Variants in HMCN1 observed in about 807,000 individuals in gnomAD.
HMCN1 encodes hemicentin 1, also known as hemicentin-1.
In HMCN1, 321 loss-of-function variants were observed where a neutral mutation model predicts 625.9. That is an observed-to-expected ratio of 0.51 (90% CI 0.47 to 0.56). HMCN1 has a LOEUF of 0.56. Among genes scored for constraint, HMCN1 ranks in the 20% least tolerant of loss-of-function variants. The pLI is 0.00. For synonymous variants in HMCN1, 2,425 were observed against 2,417.6 expected (o/e 1.00, Z -0.09); for missense variants, 6,588 against 6,887.3 (o/e 0.96, Z 1.54).
intron 1 of HMCN1, among the ~76,000 whole-genome samples, chr1:185,756,064 A>T (rs1048704762): frequency 1.3e-5 from 2 of 152,150 alleles, no homozygotes; most frequent in Admixed American, 6.5e-5. Context: ...AGAATATCAG[A>T]TCCACAGGAT....
intron 13 of HMCN1, among the ~76,000 whole-genome samples, chr1:185,964,963 C>T (rs978355589): frequency 4.6e-5 from 7 of 151,966 alleles, no homozygotes; most frequent in African/African-American, 1.7e-4. Flanking sequence ...AAAAGCTATG[C>T]ACCCATTTAT....
In HMCN1 at chr1:186,082,869, T is replaced by C. The variant is rs748871588; in HGVS notation, c.8792T>C (p.Leu2931Pro). ...ATTTCTTCATTTTTCCCTTAGATTC[T>C]GAATACTCAAATAACAGATATCGGC... ...FLSNGRILQI[L>P]NTQITDIGRY... The change falls in exon 57 of 107, where the codon CTG becomes CCG. Residue 2931 changes from leucine (L) to proline (P), a missense_variant. This residue lies in a region of HMCN1 where 4,628 missense variants were observed against 4,853.1 expected (regional missense o/e 0.95). Coordinates refer to ENST00000271588, the MANE Select transcript of HMCN1 (RefSeq NM_031935.3). 2 of 1,570,914 alleles carry C rather than the reference T, an allele frequency of 1.3e-6. No individual in the cohort carries two copies. The highest frequency in any genetic ancestry group is 1.7e-4 in the Middle Eastern group (1 of 5,906).
At chr1:185,743,301 A>G (rs1425726344) in intron 1 of HMCN1, among the ~76,000 whole-genome samples, 4 of 152,250 alleles carry the variant, frequency 2.6e-5, no homozygotes, top group Non-Finnish European at 1.5e-5. Flanking sequence ...ACTCACAAGT[A>G]GAAGAATACA....
intron 1 of HMCN1, among the ~76,000 whole-genome samples, chr1:185,770,178 C>G (rs1437806842): frequency 6.6e-6 from 1 of 152,156 alleles, no homozygotes; most frequent in African/African-American, 2.4e-5. Context: ...AACATCACCA[C>G]TCTCTATAGA....
At position 186,182,717 on chromosome 1, in the gene HMCN1, A is replaced by G. The variant is rs74136063; in HGVS notation, c.16414+430A>G. The stretch of plus-strand genomic sequence containing the variant: ...TTTAAAGTGATCAGTTTGGTAGTCA[A>G]TTAAATGATTCATTCATTCGTTGAG... On this transcript the variant is annotated intron_variant, in intron 105 of 106. Transcript: ENST00000271588. Among the ~76,000 whole-genome samples the G allele has an allele frequency of 2.3e-3, 356 of 152,314 alleles. 3 individuals are homozygous for G. Among genetic ancestry groups the G allele is most frequent in the African/African-American group, 8.2e-3 (340 of 41,568 alleles).
At chr1:185,834,123 G>A (rs1661031845) in intron 1 of HMCN1, among the ~76,000 whole-genome samples, 1 of 152,174 alleles carries the variant, frequency 6.6e-6, no homozygotes, top group Non-Finnish European at 1.5e-5. Flanking sequence ...GATTCAAAAT[G>A]TCACAGTTGC....
intron 1 of HMCN1, among the ~76,000 whole-genome samples, chr1:185,803,205 C>CAAAAAAAAAAAAAAAAAAAAAAAAAGA: frequency 1.4e-4 from 8 of 58,754 alleles, no homozygotes; most frequent in Admixed American, 2.6e-4. Context: ...AAAAAAAAAG[C>CAAAAAAAAAAAAAAAAAAAAAAAAAGA]AAAAAAAAAA....
intron 1 of HMCN1, among the ~76,000 whole-genome samples, chr1:185,743,410 A>G (rs1356832333): frequency 6.6e-6 from 1 of 152,228 alleles, no homozygotes; most frequent in Non-Finnish European, 1.5e-5. Flanking sequence ...TGACCCAGAT[A>G]ATGCCTGACT....
chr1:185,845,756 T>C (rs112199089), intron 1 of HMCN1, among the ~76,000 whole-genome samples: 1 of 152,254 alleles, frequency 6.6e-6, no homozygotes, highest in Non-Finnish European at 1.5e-5. Context: ...GAACTGGAAC[T>C]GTGCTCTCCT....
At chr1:185,752,470 C>T (rs188114130) in intron 1 of HMCN1, among the ~76,000 whole-genome samples, 4 of 152,146 alleles carry the variant, frequency 2.6e-5, no homozygotes, top group South Asian at 4.1e-4. Context: ...TTATTTTGGG[C>T]GTTGGAATAT....
chr1:185,829,895 C>T (rs980386141), intron 1 of HMCN1, among the ~76,000 whole-genome samples: 4 of 152,174 alleles, frequency 2.6e-5, no homozygotes, highest in Non-Finnish European at 5.9e-5. Context: ...TCTCCACAGC[C>T]TTGCCAGAAT....
intron 10 of HMCN1, among the ~76,000 whole-genome samples, chr1:185,929,352 G>A (rs1285506245): frequency 6.6e-6 from 1 of 151,974 alleles, no homozygotes; most frequent in Admixed American, 6.6e-5. Context: ...GGGAGATATA[G>A]TTCATATTAT....
intron 96 of HMCN1, 22 bp from the exon 97 acceptor site, chr1:186,153,728 A>G: frequency 6.2e-7 from 1 of 1,601,274 alleles, no homozygotes; most frequent in South Asian, 1.1e-5. Context: ...ATTGATCTTC[A>G]AATCCACATT....
chr1:186,127,902 A>G (rs975001036), intron 82 of HMCN1, among the ~76,000 whole-genome samples, 176 bp from the exon 83 acceptor site: 1 of 152,174 alleles, frequency 6.6e-6, no homozygotes, highest in African/African-American at 2.4e-5. Flanking sequence ...TTAAACTTCT[A>G]TACATTTTAA....
chr1:186,133,343 G>A (rs564399127), intron 86 of HMCN1, among the ~76,000 whole-genome samples: 9 of 152,204 alleles, frequency 5.9e-5, no homozygotes, highest in Non-Finnish European at 1.3e-4. Flanking sequence ...ATGTAAAGGA[G>A]CTCAAAAGTG....
chr1:186,134,825 T>C (rs1297488791), intron 86 of HMCN1, among the ~76,000 whole-genome samples: 2 of 152,178 alleles, frequency 1.3e-5, no homozygotes, highest in African/African-American at 4.8e-5. Context: ...ACTAAAACAC[T>C]GCTCTCATCC....
chr1:186,168,568 T>C (rs188407932), intron 100 of HMCN1, among the ~76,000 whole-genome samples: 36 of 152,044 alleles, frequency 2.4e-4, no homozygotes, highest in African/African-American at 6.3e-4. Context: ...ATAAGAGACA[T>C]TGGCAATCTG....
intron 90 of HMCN1, 82 bp downstream of exon 90, chr1:186,144,425 C>G: frequency 6.3e-7 from 1 of 1,598,530 alleles, no homozygotes; most frequent in Non-Finnish European, 8.6e-7. Flanking sequence ...AGAATCTATC[C>G]CATTCTAACT....
chr1:185,790,609 G>A (rs933950748), intron 1 of HMCN1, among the ~76,000 whole-genome samples: 3 of 152,196 alleles, frequency 2.0e-5, no homozygotes, highest in African/African-American at 7.2e-5. Context: ...CTAGAGCAGT[G>A]TTTTTCAATG....
Sources: allele counts gnomAD v4.1 joint callset (sites outside exome capture counted in the v4.1 genomes callset), GRCh38; gene constraint gnomAD v4.1.1; regional missense constraint gnomAD v4.1.1; transcripts MANE v1.5; gene names NCBI Gene and HGNC (gene_info 2026-07-23, HGNC 2026-07-21).